ANK3: variants seen among roughly 807,000 people sequenced by gnomAD.
ANK3 encodes the protein ankyrin 3, also known as ankyrin-3.
Under a neutral mutation model 370.9 loss-of-function variants are expected in ANK3, and 57 were observed. That is an observed-to-expected ratio of 0.15 (90% CI 0.12 to 0.19). The LOEUF (loss-of-function observed/expected upper bound fraction) is 0.19. ANK3 is among the 10% of genes least tolerant of loss of function. The probability of loss-of-function intolerance (pLI) is 1.00; values close to 1 mark genes in which losing one functional copy is unlikely to be tolerated. For missense variants in ANK3, 4,439 were observed against 5,302.1 expected (o/e 0.84, Z 5.06); for synonymous variants, 1,929 against 1,946.3 (o/e 0.99, Z 0.23).
chr10:60,530,034 C>T (rs1268088399), intron 2 of ANK3, among the ~76,000 whole-genome samples: 1 of 152,160 alleles, frequency 6.6e-6, no homozygotes, highest in African/African-American at 2.4e-5. Flanking sequence ...AGACTCCAGT[C>T]TTGAGAACGT....
At chr10:60,396,280 C>T (rs1461301343) in intron 2 of ANK3, among the ~76,000 whole-genome samples, 3 of 152,132 alleles carry the variant, frequency 2.0e-5, no homozygotes, top group African/African-American at 7.2e-5. Flanking sequence ...TGCTTCCTTC[C>T]ATGTTTACAT....
Position 60,692,335 on chromosome 10 carries a change from T to G in ANK3, c.57+40928A>C, listed in dbSNP as rs546994098. 2.6e-5 allele frequency among the ~76,000 whole-genome samples: 4 copies of G among 152,336 alleles called. No individual in the cohort carries two copies. The East Asian group carries it at 7.7e-4, about 29-fold the overall frequency. On this transcript the variant is annotated intron_variant, in intron 1 of 43. Transcript: ENST00000373827. The stretch of plus-strand genomic sequence containing the variant: ...GACAAGACCAACGTAGCCCAAGGTG[T>G]TGGCCTTTCTGTCATGGGCTGCCTC...
intron 25 of ANK3, among the ~76,000 whole-genome samples, chr10:60,133,605 T>G (rs568151266): frequency 2.0e-5 from 3 of 152,268 alleles, no homozygotes; most frequent in African/African-American, 4.8e-5. Context: ...AATTCCAACA[T>G]AGATACACAG....
At chr10:60,604,821 C>A (rs2078108924) in intron 2 of ANK3, among the ~76,000 whole-genome samples, 1 of 152,140 alleles carries the variant, frequency 6.6e-6, no homozygotes, top group Non-Finnish European at 1.5e-5. Context: ...AAGGCTCCAA[C>A]ACTCATAGAT....
chr10:60,666,251 C>T lies in ANK3; in HGVS notation c.58-51027G>A, dbSNP rs180988835. Among the ~76,000 whole-genome samples the T allele has an allele frequency of 2.4e-3, 368 of 152,186 alleles. 2 individuals carry two copies. Among genetic ancestry groups the T allele is most frequent in the African/African-American group, 8.6e-3 (357 of 41,530 alleles). On this transcript the variant is annotated intron_variant, in intron 1 of 43. Transcript: ENST00000373827. ...AAAGAAATTGTGACACATGCTACAG[C>T]GTGGATGAACCTTAAAGACATTATG...
chr10:60,401,190 A>G (rs2063345929), intron 2 of ANK3, among the ~76,000 whole-genome samples: 2 of 152,214 alleles, frequency 1.3e-5, no homozygotes, highest in Admixed American at 1.3e-4. Flanking sequence ...ACTTCATAGA[A>G]TCAAAGAGTG....
At chr10:60,395,112 C>A (rs889865514) in intron 2 of ANK3, among the ~76,000 whole-genome samples, 2 of 152,120 alleles carry the variant, frequency 1.3e-5, no homozygotes, top group African/African-American at 4.8e-5. Context: ...GTGTTTGGAA[C>A]AATTTGGATA....
At chr10:60,605,102 T>C (rs955257421) in intron 2 of ANK3, among the ~76,000 whole-genome samples, 29 of 152,164 alleles carry the variant, frequency 1.9e-4, no homozygotes, top group African/African-American at 6.8e-4. Flanking sequence ...GTCCCTAAAA[T>C]GGGCAATTCG....
chr10:60,428,164 T>C (rs1255107639), intron 2 of ANK3, among the ~76,000 whole-genome samples: 3 of 152,166 alleles, frequency 2.0e-5, no homozygotes, highest in Non-Finnish European at 2.9e-5. Context: ...TAGTTGTTTA[T>C]AGAGTCCCTC....
chr10:60,379,633 C>T (rs2132824150), intron 1 of ANK3, among the ~76,000 whole-genome samples: 1 of 152,060 alleles, frequency 6.6e-6, no homozygotes, highest in African/African-American at 2.4e-5. Flanking sequence ...TTACACACTG[C>T]ATGTTCTCAT....
intron 2 of ANK3, among the ~76,000 whole-genome samples, chr10:60,583,979 A>T (rs2077795032): frequency 6.6e-6 from 1 of 152,180 alleles, no homozygotes; most frequent in South Asian, 2.1e-4. Flanking sequence ...CAGTTTACAC[A>T]TGTATGGAAC....
At chr10:60,205,614 A>C (rs1591711710) in intron 11 of ANK3, among the ~76,000 whole-genome samples, 178 bp downstream of exon 11, 1 of 152,164 alleles carries the variant, frequency 6.6e-6, no homozygotes, top group Non-Finnish European at 1.5e-5. Context: ...TCACCCACCA[A>C]CATGTTTGTC....
chr10:60,731,373 G>A (rs1429883134), intron 1 of ANK3, among the ~76,000 whole-genome samples: 1 of 152,148 alleles, frequency 6.6e-6, no homozygotes, highest in Non-Finnish European at 1.5e-5. Context: ...ATTGTCTGAA[G>A]GATCTTGAGC....
intron 8 of ANK3, among the ~76,000 whole-genome samples, chr10:60,219,463 C>T (rs557577932): frequency 5.3e-5 from 8 of 152,220 alleles, no homozygotes; most frequent in East Asian, 1.9e-4. Flanking sequence ...TGCTTGCCCC[C>T]GCCACCTCAG....
chr10:60,679,438 G>A (rs754858454), intron 1 of ANK3, among the ~76,000 whole-genome samples: 1 of 152,180 alleles, frequency 6.6e-6, no homozygotes, highest in Non-Finnish European at 1.5e-5. Context: ...CTGGTGATTA[G>A]CAGCTTTCCA....
At chr10:60,400,689 C>G (rs2063335648) in intron 2 of ANK3, among the ~76,000 whole-genome samples, 1 of 152,084 alleles carries the variant, frequency 6.6e-6, no homozygotes, top group Non-Finnish European at 1.5e-5. Context: ...CCTGTCATAT[C>G]TTGAATTATA....
intron 1 of ANK3, among the ~76,000 whole-genome samples, chr10:60,353,015 ACT>A (rs1170468252): frequency 2.0e-5 from 3 of 151,924 alleles, no homozygotes; most frequent in Non-Finnish European, 4.4e-5. Context: ...ACAGGGTCTC[ACT>A]CTGTCACCCC....
chr10:60,154,651 C>T (rs552323457), intron 23 of ANK3, among the ~76,000 whole-genome samples: 3 of 152,108 alleles, frequency 2.0e-5, no homozygotes, highest in East Asian at 3.9e-4. Flanking sequence ...AAAAATTAGC[C>T]AGGCATGGTG....
In ANK3 at chr10:60,139,371, G is replaced by A. The variant is rs1590698164; in HGVS notation, c.2615-284C>T. On this transcript the variant is annotated intron_variant, in intron 23 of 43. Coordinates refer to ENST00000280772, the MANE Select transcript of ANK3 (RefSeq NM_020987.5). ...CTTTGCTTCCCTGTAAGCCTCAGCT[G>A]ACTAGAAAGGTGGATGTTTTATGTC... is the stretch of plus-strand genomic sequence containing the variant. 6 of 347,144 alleles carry A rather than the reference G, an allele frequency of 1.7e-5. No homozygotes were observed. In the East Asian group the frequency reaches 2.9e-4, roughly 17 times the overall value. 21.5% of individuals were successfully genotyped at this position (347,144 alleles called of 1,614,324 possible). A position where few individuals can be genotyped will look rare whatever the true frequency, so the allele number is the denominator to read the frequency against.
Sources: allele counts gnomAD v4.1 joint callset (sites outside exome capture counted in the v4.1 genomes callset), GRCh38; gene constraint gnomAD v4.1.1; transcripts MANE v1.5; gene names NCBI Gene and HGNC (gene_info 2026-07-23, HGNC 2026-07-21).